The following TESK2 variants were observed in gnomAD, a reference collection of about 807,000 sequenced individuals.
TESK2 encodes testis associated actin remodelling kinase 2.
Under a neutral mutation model 57.1 loss-of-function variants are expected in TESK2, and 39 were observed. The observed-to-expected ratio is 0.68, with a 90% CI of 0.53 to 0.89. TESK2 has a LOEUF of 0.89. TESK2 is among the 40% of genes least tolerant of loss of function. The pLI is 0.00. For missense variants in TESK2, 646 were observed against 732.1 expected (o/e 0.88, Z 1.36); for synonymous variants, 249 against 267.9 (o/e 0.93, Z 0.69).
At chr1:45,392,648 C>T (rs1424617192) in intron 3 of TESK2, among the ~76,000 whole-genome samples, 3 of 152,048 alleles carry the variant, frequency 2.0e-5, no homozygotes, top group Non-Finnish European at 1.5e-5. Flanking sequence ...TTGTGGTGAG[C>T]CGAGAGCGCA....
intron 3 of TESK2, among the ~76,000 whole-genome samples, chr1:45,418,310 A>C (rs1650331391): frequency 1.3e-5 from 2 of 152,192 alleles, no homozygotes; most frequent in South Asian, 4.1e-4. Context: ...CCTCACTCTC[A>C]AACATGGTGG....
chr1:45,353,850 G>A (rs910547386), intron 5 of TESK2, among the ~76,000 whole-genome samples: 1 of 152,206 alleles, frequency 6.6e-6, no homozygotes, highest in African/African-American at 2.4e-5. Context: ...TCCTCTGAAA[G>A]CGACTCTTTT....
At chr1:45,383,128 G>C (rs954307909) in intron 4 of TESK2, among the ~76,000 whole-genome samples, 4 of 152,272 alleles carry the variant, frequency 2.6e-5, no homozygotes, top group Admixed American at 6.5e-5. Flanking sequence ...AATGAAGAAT[G>C]GTACTCACAT....
chr1:45,360,009 CG>C (rs1249635226), intron 4 of TESK2, among the ~76,000 whole-genome samples: 1 of 152,142 alleles, frequency 6.6e-6, no homozygotes, highest in Admixed American at 6.6e-5. Context: ...TTGGAAGCGT[CG>C]GACCAGTTTT....
intron 5 of TESK2, among the ~76,000 whole-genome samples, chr1:45,348,826 T>C (rs1230754319): frequency 6.6e-6 from 1 of 152,172 alleles, no homozygotes; most frequent in African/African-American, 2.4e-5. Context: ...AGAAAAGCTA[T>C]GAACCCCTCA....
chr1:45,358,274 C>G (rs1647528872), intron 4 of TESK2, among the ~76,000 whole-genome samples: 1 of 150,216 alleles, frequency 6.7e-6, no homozygotes. Context: ...GACTGTACCA[C>G]TGCACTCCAG....
intron 4 of TESK2, among the ~76,000 whole-genome samples, chr1:45,360,454 A>C (rs1052144605): frequency 2.0e-5 from 3 of 152,136 alleles, no homozygotes; most frequent in Non-Finnish European, 4.4e-5. Context: ...TCTATAGGCC[A>C]GGTGACACCA....
intron 7 of TESK2, 82 bp downstream of exon 7, chr1:45,347,527 A>C (rs1647163557): frequency 5.9e-6 from 8 of 1,345,094 alleles, no homozygotes; most frequent in Non-Finnish European, 8.4e-6. Flanking sequence ...ACTGCATTCC[A>C]GCCTGAGCAA....
intron 3 of TESK2, chr1:45,414,876 G>A: frequency 2.7e-6 from 1 of 373,922 alleles, no homozygotes; most frequent in South Asian, 2.7e-5. Flanking sequence ...AGGTTCTATT[G>A]GACAGCAATG....
At chr1:45,381,860 CTTTT>C (rs748886310) in intron 4 of TESK2, among the ~76,000 whole-genome samples, 1 of 91,926 alleles carries the variant, frequency 1.1e-5, no homozygotes, top group African/African-American at 4.1e-5. Context: ...CATTCCTATT[CTTTT>C]TTTTTTTTTT....
At chr1:45,433,213 T>C (rs776325926) in intron 2 of TESK2, among the ~76,000 whole-genome samples, 1 of 151,280 alleles carries the variant, frequency 6.6e-6, no homozygotes, top group South Asian at 2.1e-4. Flanking sequence ...TAGCTGGGAC[T>C]ACAGGCACGT....
chr1:45,371,174 T>C (rs191259153), intron 4 of TESK2, among the ~76,000 whole-genome samples: 139 of 151,808 alleles, frequency 9.2e-4, no homozygotes, highest in South Asian at 3.7e-3. Flanking sequence ...ATGGTGCAAC[T>C]GCTACAGAAA....
In TESK2 at chr1:45,415,675, G is replaced by C. The variant is rs565905125; in HGVS notation, c.344+6050C>G. 2.6e-5 allele frequency among the ~76,000 whole-genome samples: 4 copies of C among 152,328 alleles called. No homozygotes were observed. In the East Asian group the frequency reaches 7.7e-4, roughly 29 times the overall value. ...CCACATACCAGGTACTATTCTAAGT[G>C]ATTTACGTGTACTAATTTAATTAAT... On this transcript the variant is annotated intron_variant, in intron 3 of 10. Transcript: ENST00000372086.
intron 2 of TESK2, among the ~76,000 whole-genome samples, chr1:45,423,559 G>GA (rs59821943): frequency 4.8e-5 from 6 of 125,812 alleles, no homozygotes; most frequent in African/African-American, 1.8e-4. Context: ...TCCGTCTCGC[G>GA]AAAAAAAAAA....
chr1:45,376,824 G>A (rs981435515), intron 4 of TESK2, among the ~76,000 whole-genome samples: 17 of 152,150 alleles, frequency 1.1e-4, no homozygotes, highest in Non-Finnish European at 1.5e-4. Context: ...ATTATCAAAC[G>A]AGATTAGAGA....
intron 2 of TESK2, among the ~76,000 whole-genome samples, chr1:45,430,487 T>C (rs1225655473): frequency 6.6e-6 from 1 of 152,128 alleles, no homozygotes; most frequent in Non-Finnish European, 1.5e-5. Flanking sequence ...TGAGACCCTA[T>C]CTAAAACAAA....
At chr1:45,435,623 CT>C (rs548276799) in intron 2 of TESK2, among the ~76,000 whole-genome samples, 29,294 of 69,114 alleles carry the variant, frequency 0.42, 4,100 homozygotes, top group Middle Eastern at 0.5. Context: ...GCTCAGTATT[CT>C]TTTTTTTTTT....
At chr1:45,448,237 C>CAAAAAAAAA (rs762537140) in intron 2 of TESK2, among the ~76,000 whole-genome samples, 4 of 84,310 alleles carry the variant, frequency 4.7e-5, no homozygotes, top group African/African-American at 8.9e-5. Flanking sequence ...GACCCTGTCT[C>CAAAAAAAAA]AAAAAAAAAA....
chr1:45,360,205 T>G (rs1484167701), intron 4 of TESK2, among the ~76,000 whole-genome samples: 1 of 152,168 alleles, frequency 6.6e-6, no homozygotes. Context: ...ACATTTGAGG[T>G]GCCCATTTGC....
Sources: gnomAD v4.1 joint callset for allele counts (sites outside exome capture counted in the v4.1 genomes callset) on GRCh38, gnomAD v4.1.1 for gene constraint, MANE v1.5 for transcripts, NCBI Gene and HGNC (gene_info 2026-07-23, HGNC 2026-07-21) for gene names.